Variants in RIN3 observed in about 807,000 individuals in gnomAD.
RIN3 encodes RAB5 interacting protein 3.
A neutral mutation model predicts 76.3 loss-of-function variants in RIN3; 54 were observed. That is an observed-to-expected ratio of 0.71 (90% CI 0.57 to 0.89). RIN3 has a LOEUF of 0.89. Among genes scored for constraint, RIN3 ranks in the 40% least tolerant of loss-of-function variants. The pLI is 0.00. For missense variants in RIN3, 1,256 were observed against 1,322.1 expected, an observed-to-expected ratio of 0.95 and a Z score of 0.78; for synonymous variants, 576 against 564.0, an observed-to-expected ratio of 1.02 and a Z score of -0.30.
At chr14:92,535,060 A>G (rs1018287696) in intron 1 of RIN3, among the ~76,000 whole-genome samples, 1 of 152,188 alleles carries the variant, frequency 6.6e-6, no homozygotes, top group Admixed American at 6.5e-5. Flanking sequence ...GTCAGCCTCC[A>G]TCGTGACACC....
At chr14:92,553,496 G>A (rs1025532656) in intron 1 of RIN3, among the ~76,000 whole-genome samples, 54 of 152,068 alleles carry the variant, frequency 3.6e-4, no homozygotes, top group Middle Eastern at 3.2e-3. Flanking sequence ...AAATGAGATT[G>A]TTCGGCCTCA....
At chr14:92,626,245 C>T (rs1461528740) in intron 4 of RIN3, among the ~76,000 whole-genome samples, 1 of 152,186 alleles carries the variant, frequency 6.6e-6, no homozygotes, top group East Asian at 1.9e-4. Flanking sequence ...GCTGCAGGAA[C>T]ATTTTGGCCA....
intron 4 of RIN3, among the ~76,000 whole-genome samples, chr14:92,638,692 G>A (rs1208673083): frequency 6.6e-6 from 1 of 152,166 alleles, no homozygotes; most frequent in African/African-American, 2.4e-5. Flanking sequence ...TGGTGGTGGG[G>A]CAGGGCCTGA....
intron 2 of RIN3, among the ~76,000 whole-genome samples, chr14:92,574,534 G>A (rs1209718314): frequency 1.3e-5 from 2 of 152,134 alleles, no homozygotes; most frequent in South Asian, 2.1e-4. Context: ...TATGTTTGCC[G>A]CTTGAGTTTT....
intron 4 of RIN3, among the ~76,000 whole-genome samples, chr14:92,625,357 T>C (rs1414630158): frequency 1.3e-5 from 2 of 152,212 alleles, no homozygotes; most frequent in Admixed American, 1.3e-4. Context: ...TACTCCCATT[T>C]GATTCCTAAA....
At chr14:92,637,969 C>T (rs1478953479) in intron 4 of RIN3, among the ~76,000 whole-genome samples, 1 of 152,150 alleles carries the variant, frequency 6.6e-6, no homozygotes, top group African/African-American at 2.4e-5. Flanking sequence ...CTGATGCCTG[C>T]CCTCAAGGTG....
At chr14:92,615,599 G>C in intron 4 of RIN3, 120 bp downstream of exon 4, 1 of 829,722 alleles carries the variant, frequency 1.2e-6, no homozygotes, top group East Asian at 2.4e-5. Context: ...CCCAGAGGAT[G>C]CAGAGAGAGG....
chr14:92,650,168 C>T (rs866981957), intron 5 of RIN3, among the ~76,000 whole-genome samples: 15 of 152,168 alleles, frequency 9.9e-5, no homozygotes, highest in Non-Finnish European at 1.2e-4. Context: ...TCACCGATGC[C>T]GGGAGAGCAA....
intron 3 of RIN3, among the ~76,000 whole-genome samples, chr14:92,606,697 C>T (rs1885536753): frequency 6.6e-6 from 1 of 152,108 alleles, no homozygotes; most frequent in South Asian, 2.1e-4. Context: ...AATCAAAAAA[C>T]CACCATGAGA....
intron 5 of RIN3, chr14:92,645,014 G>A (rs959369373): frequency 2.0e-5 from 3 of 152,252 alleles, no homozygotes; most frequent in Non-Finnish European, 2.9e-5. Context: ...GGGACCCTCT[G>A]AGAAATGGAG....
At position 92,637,451 on chromosome 14, in the gene RIN3, C is replaced by T. The variant is rs562393984; in HGVS notation, c.441-3787C>T. On this transcript the variant is annotated intron_variant, in intron 4 of 9. Coordinates refer to ENST00000216487, the MANE Select transcript of RIN3 (RefSeq NM_024832.5). ...ACAGATGAAGCTTTGCTCACTCGCC[C>T]GCTGCTCACCTCCTGCTGTGCAGCT... 3.8e-3 allele frequency among the ~76,000 whole-genome samples: 576 copies of T among 152,248 alleles called. 6 individuals carry two copies. The highest frequency in any genetic ancestry group is 0.013 in the African/African-American group (523 of 41,544).
chr14:92,561,038 A>ATATATATATATATATAT (rs1555383834), intron 2 of RIN3, among the ~76,000 whole-genome samples: 2 of 14,618 alleles, frequency 1.4e-4, no homozygotes, highest in African/African-American at 4.0e-4. Flanking sequence ...AAAAAAAAAA[A>ATATATATATATATATAT]AAAAAAATAT....
intron 4 of RIN3, among the ~76,000 whole-genome samples, chr14:92,635,768 G>A (rs1274894073): frequency 1.3e-5 from 2 of 152,114 alleles, no homozygotes; most frequent in South Asian, 4.1e-4. Flanking sequence ...CAGGAGAATC[G>A]CTTGAACCCA....
intron 3 of RIN3, among the ~76,000 whole-genome samples, chr14:92,598,438 CA>C (rs761547320): frequency 2.2e-4 from 33 of 152,246 alleles, no homozygotes; most frequent in Non-Finnish European, 3.8e-4. Flanking sequence ...TCCTGACCCA[CA>C]AATTGTGAGC....
intron 2 of RIN3, among the ~76,000 whole-genome samples, chr14:92,563,656 C>G (rs780208264): frequency 6.6e-6 from 1 of 152,152 alleles, no homozygotes; most frequent in Non-Finnish European, 1.5e-5. Context: ...TTGGCCTCAC[C>G]CTCAGAAGTG....
chr14:92,625,528 G>A (rs1476169286), intron 4 of RIN3, among the ~76,000 whole-genome samples: 1 of 152,170 alleles, frequency 6.6e-6, no homozygotes, highest in African/African-American at 2.4e-5. Context: ...CAATGGGTGA[G>A]GTGGTCTACT....
At chr14:92,628,778 C>G (rs950804846) in intron 4 of RIN3, among the ~76,000 whole-genome samples, 1 of 152,080 alleles carries the variant, frequency 6.6e-6, no homozygotes, top group African/African-American at 2.4e-5. Context: ...GATCAGGGAC[C>G]ACACTCAGAA....
Position 92,688,008 on chromosome 14 carries a change from T to TGTGCGCGCA in RIN3, c.2722_2730dup (p.Gln908_Ala910dup), listed in dbSNP as rs779597731. 95 of 1,577,426 alleles carry TGTGCGCGCA rather than the reference T, an allele frequency of 6.0e-5. No individual in the cohort carries two copies. Among genetic ancestry groups the TGTGCGCGCA allele is most frequent in the Non-Finnish European group, 7.7e-5 (90 of 1,163,120 alleles). ...CGGGCGGACACCCAGGCCCAGGCGC[T>TGTGCGCGCA]GTGCGCGCAGTGCGCGGAGAAGTTC... On this transcript the variant is annotated inframe_insertion, in exon 10 of 10. Transcript: ENST00000216487.
chr14:92,546,622 T>C (rs12433380), intron 1 of RIN3, among the ~76,000 whole-genome samples: 59,761 of 152,086 alleles, frequency 0.39, 11,979 homozygotes, highest in East Asian at 0.64. Context: ...GGAATGGGGC[T>C]GCTGGAATCT....
Sources: gnomAD v4.1 joint callset for allele counts (sites outside exome capture counted in the v4.1 genomes callset) on GRCh38, gnomAD v4.1.1 for gene constraint, MANE v1.5 for transcripts, NCBI Gene and HGNC (gene_info 2026-07-23, HGNC 2026-07-21) for gene names.